The following DDX31 variants were observed in gnomAD, a reference collection of about 807,000 sequenced individuals.
DDX31 encodes the protein DEAD-box helicase 31.
DDX31 carries 70 observed loss-of-function variants against 91.3 expected under a neutral mutation model. The ratio of observed to expected loss-of-function variants is 0.77; its 90% confidence interval spans 0.63 to 0.94. The LOEUF (loss-of-function observed/expected upper bound fraction) is 0.94, where lower values mean the gene tolerates loss of function less well. Among genes scored for constraint, DDX31 ranks in the 40% least tolerant of loss-of-function variants. The pLI is 0.00. For synonymous variants in DDX31, 362 were observed against 350.6 expected, an observed-to-expected ratio of 1.03 and a Z score of -0.36; for missense variants, 902 against 925.0, an observed-to-expected ratio of 0.98 and a Z score of 0.32.
At chr9:132,668,552 A>G (rs933443838) in intron 1 of DDX31, among the ~76,000 whole-genome samples, 3 of 146,856 alleles carry the variant, frequency 2.0e-5, no homozygotes, top group Non-Finnish European at 4.5e-5. Flanking sequence ...CATGTGCCCA[A>G]GGTGGTCGGG....
At chr9:132,612,374 G>T in intron 18 of DDX31, 119 bp from the exon 19 acceptor site, 3 of 1,130,750 alleles carry the variant, frequency 2.7e-6, no homozygotes, top group Non-Finnish European at 3.9e-6. Context: ...ACATGAGCAG[G>T]ACAATTACAA....
chr9:132,648,758 A>G (rs565843339), intron 9 of DDX31, among the ~76,000 whole-genome samples: 1 of 152,220 alleles, frequency 6.6e-6, no homozygotes, highest in Non-Finnish European at 1.5e-5. Flanking sequence ...TAAGATCTGA[A>G]ATTACATTAA....
chr9:132,666,712 GT>G (rs777577208), intron 1 of DDX31, among the ~76,000 whole-genome samples: 51 of 140,012 alleles, frequency 3.6e-4, no homozygotes, highest in Admixed American at 4.2e-4. Flanking sequence ...TTTTGTTTTT[GT>G]TTTTTTTTTT....
In DDX31 at chr9:132,657,794, C is replaced by T. The variant is rs549443972; in HGVS notation, c.588+877G>A. ...GCGTTTGAGATGAAGCCTCTGCCCA[C>T]GGATCACAGCAGTTAACTGGCCTCC... On this transcript the variant is annotated intron_variant, in intron 6 of 19. Coordinates refer to ENST00000372159, the MANE Select transcript of DDX31 (RefSeq NM_022779.9). 2.6e-5 allele frequency among the ~76,000 whole-genome samples: 4 copies of T among 152,278 alleles called. No homozygotes were observed. In the South Asian group the frequency reaches 6.2e-4, roughly 24 times the overall value.
intron 4 of DDX31, 94 bp from the exon 5 acceptor site, chr9:132,659,874 A>T (rs1834823333): frequency 1.7e-6 from 2 of 1,197,356 alleles, no homozygotes; most frequent in Middle Eastern, 1.9e-4. Context: ...CCACACTTGG[A>T]TTCATCTGGC....
chr9:132,640,452 C>T (rs1833429345), intron 14 of DDX31, among the ~76,000 whole-genome samples: 1 of 152,118 alleles, frequency 6.6e-6, no homozygotes, highest in African/African-American at 2.4e-5. Context: ...TCAGGTTCCA[C>T]AAAGTATTGT....
intron 1 of DDX31, among the ~76,000 whole-genome samples, chr9:132,663,990 T>G (rs1319133713): frequency 6.6e-6 from 1 of 152,136 alleles, no homozygotes; most frequent in Non-Finnish European, 1.5e-5. Flanking sequence ...ACAAAAACTC[T>G]TAAAGGCCAC....
At chr9:132,619,152 A>G (rs1015918299) in intron 17 of DDX31, among the ~76,000 whole-genome samples, 1 of 152,282 alleles carries the variant, frequency 6.6e-6, no homozygotes, top group African/African-American at 2.4e-5. Context: ...TTAATAAAAT[A>G]GACAATTATT....
In DDX31 at chr9:132,647,058, C is replaced by T. The variant is rs375862526; in HGVS notation, c.968G>A (p.Gly323Asp). The change falls in exon 12 of 20, where the codon GGT (glycine) becomes GAT (aspartate). Residue 323 changes from glycine to aspartate, a missense_variant and splice_region_variant. By Grantham distance (94) the Gly-to-Asp change is moderately conservative. Transcript: ENST00000372159. ...NVLLSATLTE[G>D]VTRLADISLH... ...ACTGATATCAGCTAGCCGCGTTACA[C>T]CTTGGATAAAAGTAAGAAGGGCAAA... The T allele has an allele frequency of 6.3e-7, 1 of 1,599,386 alleles. No individual in the cohort carries two copies. The highest frequency in any genetic ancestry group is 1.4e-5 in the African/African-American group (1 of 72,026).
intron 19 of DDX31, among the ~76,000 whole-genome samples, chr9:132,601,876 C>T (rs1339162522): frequency 6.6e-6 from 1 of 152,206 alleles, no homozygotes; most frequent in Non-Finnish European, 1.5e-5. Context: ...CCACGTTATT[C>T]ACTTACAACG....
chr9:132,637,603 T>C (rs1196986853), intron 14 of DDX31, among the ~76,000 whole-genome samples: 2 of 152,160 alleles, frequency 1.3e-5, no homozygotes, highest in Admixed American at 6.5e-5. Flanking sequence ...CAAAAGTCAT[T>C]ACTGCCGTGT....
chr9:132,643,315 T>A (rs531388394), intron 13 of DDX31, among the ~76,000 whole-genome samples: 10 of 152,350 alleles, frequency 6.6e-5, no homozygotes, highest in African/African-American at 2.4e-4. Context: ...TGAAGCTCTA[T>A]GCACTTGAGT....
At chr9:132,657,538 T>C (rs1247580191) in intron 6 of DDX31, among the ~76,000 whole-genome samples, 1 of 152,254 alleles carries the variant, frequency 6.6e-6, no homozygotes, top group Admixed American at 6.5e-5. Flanking sequence ...TTGTATCAGT[T>C]TGAACTCACG....
chr9:132,607,744 T>C (rs958146068), intron 19 of DDX31, among the ~76,000 whole-genome samples: 6 of 152,198 alleles, frequency 3.9e-5, no homozygotes, highest in African/African-American at 1.4e-4. Flanking sequence ...AGTGGTACAG[T>C]GATCATAGTT....
intron 13 of DDX31, among the ~76,000 whole-genome samples, chr9:132,642,446 C>T (rs1833562481): frequency 6.6e-6 from 1 of 152,130 alleles, no homozygotes; most frequent in South Asian, 2.1e-4. Context: ...AAAGAATAAC[C>T]AACCTTCTCT....
intron 19 of DDX31, among the ~76,000 whole-genome samples, chr9:132,603,884 C>A (rs1830859598): frequency 6.6e-6 from 1 of 152,104 alleles, no homozygotes; most frequent in South Asian, 2.1e-4. Flanking sequence ...ATCCTCTAAT[C>A]GCCTCATTAG....
chr9:132,650,443 C>A, intron 8 of DDX31, 145 bp from the exon 9 acceptor site: 1 of 740,490 alleles, frequency 1.4e-6, no homozygotes, highest in Non-Finnish European at 2.3e-6. Flanking sequence ...AGACACAATT[C>A]CTAGGCATTG....
At chr9:132,605,892 T>C (rs900550381) in intron 19 of DDX31, among the ~76,000 whole-genome samples, 2 of 151,628 alleles carry the variant, frequency 1.3e-5, no homozygotes, top group Non-Finnish European at 2.9e-5. Context: ...CAAGATGCGG[T>C]GAGGGCTGTG....
At chr9:132,663,788 AAATATCT>A (rs1835135851) in intron 1 of DDX31, among the ~76,000 whole-genome samples, 1 of 152,242 alleles carries the variant, frequency 6.6e-6, no homozygotes, top group African/African-American at 2.4e-5. Context: ...ATACAACTTC[AAATATCT>A]AATATTAATA....
Sources: allele counts gnomAD v4.1 joint callset (sites outside exome capture counted in the v4.1 genomes callset), GRCh38; gene constraint gnomAD v4.1.1; transcripts MANE v1.5; gene names NCBI Gene and HGNC (gene_info 2026-07-23, HGNC 2026-07-21).